Variants in ARHGAP44 observed in about 807,000 individuals in gnomAD.
The protein encoded by ARHGAP44 is rho GTPase-activating protein 44.
In ARHGAP44, 43 loss-of-function variants were observed where a neutral mutation model predicts 106.8. The observed-to-expected ratio is 0.40, with a 90% CI of 0.32 to 0.52. ARHGAP44 has a LOEUF of 0.52. Among genes scored for constraint, ARHGAP44 ranks in the 20% least tolerant of loss-of-function variants. The pLI, the probability that ARHGAP44 is intolerant of heterozygous loss-of-function variation, is 0.48. For synonymous variants in ARHGAP44, 439 were observed against 410.3 expected (o/e 1.07, Z -0.85); for missense variants, 866 against 1,050.5 (o/e 0.82, Z 2.43).
intron 5 of ARHGAP44, among the ~76,000 whole-genome samples, chr17:12,917,759 T>G (rs2037961057): frequency 6.6e-6 from 1 of 152,188 alleles, no homozygotes; most frequent in South Asian, 2.1e-4. Flanking sequence ...GCCACTGCCC[T>G]TAAGTGGTTT....
At chr17:12,830,070 G>T (rs1031838538) in intron 1 of ARHGAP44, among the ~76,000 whole-genome samples, 1 of 152,180 alleles carries the variant, frequency 6.6e-6, no homozygotes, top group Non-Finnish European at 1.5e-5. Context: ...CTACCACTAA[G>T]CAACAGCAAA....
At chr17:12,841,104 A>G (rs558534240) in intron 1 of ARHGAP44, among the ~76,000 whole-genome samples, 2 of 152,288 alleles carry the variant, frequency 1.3e-5, no homozygotes, top group African/African-American at 4.8e-5. Flanking sequence ...CTGTGCAAAT[A>G]TATAATAACC....
chr17:12,933,531 C>A (rs1347876685), intron 7 of ARHGAP44, among the ~76,000 whole-genome samples: 3 of 152,206 alleles, frequency 2.0e-5, no homozygotes, highest in African/African-American at 7.2e-5. Context: ...ACAAGCCCAA[C>A]TCTTCACAAG....
Position 12,891,169 on chromosome 17 carries a change from A to G in ARHGAP44, c.54-3771A>G, listed in dbSNP as rs79670406. On this transcript the variant is annotated intron_variant, in intron 1 of 20. Transcript: ENST00000379672. ...CACCTTTAACTCTTTGTTCACAGCAATGCAGCCTTTTTCTAGCCTGCTCTT... is the reference window on the plus strand; with the variant it reads ...CACCTTTAACTCTTTGTTCACAGCAGTGCAGCCTTTTTCTAGCCTGCTCTT... Among the ~76,000 whole-genome samples, 1,164 of 152,258 alleles carry G rather than the reference A, an allele frequency of 7.6e-3. 11 individuals are homozygous for G. The highest frequency in any genetic ancestry group is 0.02 in the Admixed American group (311 of 15,294).
Position 12,990,206 on chromosome 17 carries a change from C to CATCACG in ARHGAP44, c.*36_*41dup. 1.3e-6 allele frequency: 2 copies of CATCACG among 1,585,518 alleles called. No homozygotes were observed. Among genetic ancestry groups the CATCACG allele is most frequent in the Non-Finnish European group, 1.7e-6 (2 of 1,157,386 alleles). ...GCCCATCCTGCCTCGCGTGTACATA[C>CATCACG]ATCACGGGCCCTAGGAACGCCGCCA... is the stretch of plus-strand genomic sequence containing the variant. On this transcript the variant is annotated 3_prime_UTR_variant, in exon 21 of 21. Transcript: ENST00000379672.
chr17:12,902,606 G>A (rs924846361), intron 3 of ARHGAP44, among the ~76,000 whole-genome samples: 1 of 152,152 alleles, frequency 6.6e-6, no homozygotes, highest in Non-Finnish European at 1.5e-5. Context: ...TGGATGGTCT[G>A]TGAATATTTT....
At chr17:12,826,276 T>C (rs547535994) in intron 1 of ARHGAP44, among the ~76,000 whole-genome samples, 20 of 152,304 alleles carry the variant, frequency 1.3e-4, no homozygotes, top group African/African-American at 4.3e-4. Flanking sequence ...ATCCCCTCTA[T>C]GTGTCCATGT....
intron 1 of ARHGAP44, among the ~76,000 whole-genome samples, chr17:12,856,568 G>A (rs2035918284): frequency 6.6e-6 from 1 of 152,140 alleles, no homozygotes; most frequent in Admixed American, 6.5e-5. Context: ...CCCCATAGAA[G>A]TTTTTATTTG....
At position 12,984,640 on chromosome 17, in the gene ARHGAP44, GCCCAGCACCCCGTCA is replaced by G. The variant is rs767350939; in HGVS notation, c.2053_2067del (p.Ser685_Pro689del). On this transcript the variant is annotated inframe_deletion, in exon 20 of 21. Transcript: ENST00000379672. ...CCCCAGTCAGCCTGTCCCCCACCCC[GCCCAGCACCCCGTCA>G]CCCTATGGACTGAGCTACCCTCAGG... 1.3e-6 allele frequency: 1 copy of G among 759,412 alleles called. No individual in the cohort carries two copies. Among genetic ancestry groups the G allele is most frequent in the South Asian group, 1.3e-5 (1 of 74,730 alleles). 47.0% of individuals were successfully genotyped at this position (759,412 alleles called of 1,614,324 possible). A position where few individuals can be genotyped will look rare whatever the true frequency, so the allele number is the denominator to read the frequency against.
At chr17:12,957,068 AC>A (rs1281183138) in intron 15 of ARHGAP44, among the ~76,000 whole-genome samples, 1 of 147,760 alleles carries the variant, frequency 6.8e-6, no homozygotes, top group African/African-American at 2.5e-5. Context: ...CTCCTGCCTC[AC>A]CCCCTCTACC....
At chr17:12,968,693 A>C (rs574626058) in intron 16 of ARHGAP44, among the ~76,000 whole-genome samples, 1 of 152,000 alleles carries the variant, frequency 6.6e-6, no homozygotes, top group South Asian at 2.1e-4. Flanking sequence ...ACTGATAATA[A>C]ACTCCAGTCC....
In ARHGAP44 at chr17:12,885,325, GT is replaced by G. The variant is rs1257343793; in HGVS notation, c.54-9614del. 3.1e-4 allele frequency among the ~76,000 whole-genome samples: 24 copies of G among 78,232 alleles called. No individual in the cohort carries two copies. In the African/African-American group the frequency reaches 4.0e-3, roughly 13 times the overall value. The allele number at this position is 78,232 out of a possible 152,430, so 51.3% of individuals were successfully genotyped here. ...AGCTCTATGGACATTCACAGAGTAG[GT>G]GTGTGTGTGTGTGTGTGTGTGTGTG... On this transcript the variant is annotated intron_variant, in intron 1 of 20. Transcript: ENST00000379672.
chr17:12,886,911 A>G (rs1228434106), intron 1 of ARHGAP44, among the ~76,000 whole-genome samples: 1 of 146,102 alleles, frequency 6.8e-6, no homozygotes, highest in Non-Finnish European at 1.5e-5. Flanking sequence ...ATTTTTTCAT[A>G]TATGTTATTT....
At chr17:12,971,096 G>A (rs769332413) in intron 16 of ARHGAP44, among the ~76,000 whole-genome samples, 3 of 152,188 alleles carry the variant, frequency 2.0e-5, no homozygotes, top group African/African-American at 7.2e-5. Flanking sequence ...TGGGAAAGTC[G>A]TGATTGCATA....
intron 1 of ARHGAP44, among the ~76,000 whole-genome samples, chr17:12,889,601 A>G (rs547398038): frequency 6.6e-6 from 1 of 152,320 alleles, no homozygotes; most frequent in South Asian, 2.1e-4. Context: ...AGCTTTTAGC[A>G]TTCTGCCTCT....
intron 10 of ARHGAP44, among the ~76,000 whole-genome samples, chr17:12,947,387 G>C (rs1340113975): frequency 6.6e-6 from 1 of 152,040 alleles, no homozygotes; most frequent in African/African-American, 2.4e-5. Flanking sequence ...GGGCATCAGG[G>C]TTCTCTGTTT....
chr17:12,851,815 C>CA (rs2035750962), intron 1 of ARHGAP44, among the ~76,000 whole-genome samples: 1 of 152,056 alleles, frequency 6.6e-6, no homozygotes, highest in Non-Finnish European at 1.5e-5. Context: ...GAAATCAAGT[C>CA]ATGAACGCTT....
intron 1 of ARHGAP44, among the ~76,000 whole-genome samples, chr17:12,816,623 A>T (rs950188048): frequency 6.6e-6 from 1 of 152,228 alleles, no homozygotes; most frequent in African/African-American, 2.4e-5. Context: ...TTATTAATAT[A>T]TCAGATACAG....
Position 12,990,074 on chromosome 17 carries a change from G to A in ARHGAP44, c.2360G>A (p.Gly787Glu). The change falls in exon 21 of 21, where the codon GGG becomes GAG. Residue 787 changes from glycine (G) to glutamate (E), a missense_variant. Gly to Glu is a moderately conservative substitution (Grantham distance 98). Around this residue, in one of 2 missense-constraint regions of ARHGAP44, gnomAD observed 418 missense variants for 403.6 expected, o/e 1.04. Transcript: ENST00000379672. ...ATTCCCTCGATCCACATAGAGCTCG[G>A]GTCGACGCTCCGCCTGAGTCCCCTG... ...FDIPSIHIEL[G>E]STLRLSPLEH... The A allele has an allele frequency of 1.9e-6, 3 of 1,612,904 alleles. No individual in the cohort carries two copies. Among genetic ancestry groups the A allele is most frequent in the Non-Finnish European group, 2.5e-6 (3 of 1,179,026 alleles).
Sources: gnomAD v4.1 joint callset for allele counts (sites outside exome capture counted in the v4.1 genomes callset) on GRCh38, gnomAD v4.1.1 for gene constraint, gnomAD v4.1.1 regional missense constraint, MANE v1.5 for transcripts, NCBI Gene and HGNC (gene_info 2026-07-23, HGNC 2026-07-21) for gene names.